Variants in DSP observed in about 807,000 individuals in gnomAD.
DSP encodes 250/210 kDa paraneoplastic pemphigus antigen.
A neutral mutation model predicts 290.6 loss-of-function variants in DSP; 114 were observed. The ratio of observed to expected loss-of-function variants is 0.39; its 90% CI spans 0.34 to 0.46. The LOEUF (loss-of-function observed/expected upper bound fraction) is 0.46, where lower values mean the gene tolerates loss of function less well. Among genes scored for constraint, DSP ranks in the 20% least tolerant of loss-of-function variants. The probability of loss-of-function intolerance (pLI) is 0.99; values close to 1 mark genes in which losing one functional copy is unlikely to be tolerated. For synonymous variants in DSP, 1,311 were observed against 1,316.4 expected (o/e 1.00, Z 0.09); for missense variants, 3,230 against 3,495.8 (o/e 0.92, Z 1.92).
chr6:7,558,153 G>T lies in DSP; in HGVS notation c.311G>T (p.Ser104Ile). Residue 104 changes from serine to isoleucine, a missense_variant, in exon 3 of 24, where the codon AGT (serine) becomes ATT (isoleucine). By Grantham distance (142) the Ser-to-Ile change is moderately radical (BLOSUM62 -2). Around this residue, in one of 5 missense-constraint regions of DSP, gnomAD observed 646 missense variants for 684.3 expected, o/e 0.94. Transcript: ENST00000379802. ...KYGDGIQLTR[S>I]RELDECFAQA... ...GGAGATGGAATACAACTGACTCGGA[G>T]TCGAGAATTGGATGAGTGTTTTGCC... 8 of 1,614,224 alleles carry T rather than the reference G, an allele frequency of 5.0e-6. No individual in the cohort carries two copies. Among genetic ancestry groups the T allele is most frequent in the Non-Finnish European group, 6.8e-6 (8 of 1,180,040 alleles).
chr6:7,557,615 G>C (rs1043453255), intron 2 of DSP, among the ~76,000 whole-genome samples: 1 of 152,196 alleles, frequency 6.6e-6, no homozygotes, highest in Admixed American at 6.5e-5. Context: ...AGGAGGCAGA[G>C]GTTGCAGTGA....
At chr6:7,568,375 A>G (rs529015164) in intron 10 of DSP, 62 bp from the exon 11 acceptor site, 1 of 1,586,606 alleles carries the variant, frequency 6.3e-7, no homozygotes, top group East Asian at 2.2e-5. Context: ...ATGCAGGTTG[A>G]AAATCTCCTC....
In DSP at chr6:7,571,754, C is replaced by A. The variant is rs531495053; in HGVS notation, c.1904-88C>A. 6.0e-5 allele frequency: 90 copies of A among 1,511,656 alleles called. 1 individual carries two copies. The South Asian group carries it at 9.2e-4, about 16-fold the overall frequency. 93.6% of individuals were successfully genotyped at this position (1,511,656 alleles called of 1,614,324 possible). ...CTGAAATTCAAAGGAAGAAGGTATACTTTTAGGTAGTATGGATGTTTTTTG... is the reference window on the plus strand; with the variant it reads ...CTGAAATTCAAAGGAAGAAGGTATAATTTTAGGTAGTATGGATGTTTTTTG... On this transcript the variant is annotated intron_variant, in intron 14 of 23. Transcript: ENST00000379802.
In DSP at chr6:7,577,794, C is replaced by T; in HGVS notation, c.2893C>T (p.Leu965=). ...TATGCTGCAGGATTATGAGCTCCAG[C>T]TGGCCTCATACACCTCAGGACTGGA... The part of the protein sequence containing the change: ...ANSIKDYELQ[L]ASYTSGLETL... The change falls in exon 21 of 24, where the codon CTG becomes TTG. Residue 965 remains leucine, a synonymous_variant. Transcript: ENST00000379802. The T allele has an allele frequency of 1.2e-6, 2 of 1,613,852 alleles. No individual in the cohort carries two copies. Among genetic ancestry groups the T allele is most frequent in the South Asian group, 2.2e-5 (2 of 91,084 alleles).
At position 7,584,211 on chromosome 6, in the gene DSP, AAG is replaced by A. The variant is rs1554108929; in HGVS notation, c.6954_6955del (p.Gly2319SerfsTer5). 1.2e-6 allele frequency: 2 copies of A among 1,614,200 alleles called. No individual in the cohort carries two copies. The highest frequency in any genetic ancestry group is 1.7e-5 in the Admixed American group (1 of 60,032). ...GAGGTTACCAGTGGAGGAAGCCTAC[AAG>A]AGAGGTCTGGTGGGCATTGAGTTCA... ...NLRLPVEEAY[K>X]RGLVGIEFKE... On this transcript the variant is annotated frameshift_variant, in exon 24 of 24. Transcript: ENST00000379802. LOFTEE classifies it high-confidence loss of function. The surrounding 1 kb of genome is among the most constrained non-coding windows in gnomAD (Gnocchi z 6.4).
rs1376063964 is a variant in DSP at position 7,555,762 on chromosome 6, A to G, written c.215A>G (p.Gln72Arg). 3 of 1,614,270 alleles carry G rather than the reference A, an allele frequency of 1.9e-6. No individual in the cohort carries two copies. The highest frequency in any genetic ancestry group is 1.1e-5 in the South Asian group (1 of 91,090). Residue 72 changes from glutamine (Q) to arginine (R), a missense_variant, in exon 2 of 24, where the codon CAG becomes CGG. Physicochemically the swap from Gln to Arg is conservative, Grantham distance 43. This residue lies in a region of DSP where 646 missense variants were observed against 684.3 expected (regional missense o/e 0.94). Transcript: ENST00000379802. The part of the protein sequence containing the change: ...MSRHQNQNTI[Q>R]ELLQNCSDCL... ...AGGCACCAGAACCAGAACACCATCC[A>G]GGAGCTGCTGCAGAACTGCTCCGAC...
Position 7,582,771 on chromosome 6 carries a change from A to G in DSP, c.5509A>G (p.Asn1837Asp), listed in dbSNP as rs1297636815. The change falls in exon 24 of 24, where the codon AAT becomes GAT. Residue 1837 changes from asparagine (N) to aspartate (D), a missense_variant. Asn to Asp is a conservative substitution (Grantham distance 23). Around this residue, in one of 5 missense-constraint regions of DSP, gnomAD observed 1,714 missense variants for 1,844.5 expected, o/e 0.93. Coordinates refer to ENST00000379802, the MANE Select transcript of DSP (RefSeq NM_004415.4). The surrounding 1 kb of genome is among the most constrained non-coding windows in gnomAD (Gnocchi z 4.2). ...GCTGCAGAGGCTGGAGGATGAGCTG[A>G]ATCGTGCAAAATCAACTCTAGAGGC... Reference protein sequence around the residue: ...ARLQRLEDELNRAKSTLEAET... With the variant: ...ARLQRLEDELDRAKSTLEAET... The G allele has an allele frequency of 6.2e-7, 1 of 1,613,998 alleles. No homozygotes were observed. Among genetic ancestry groups the G allele is most frequent in the Admixed American group, 1.7e-5 (1 of 60,010 alleles).
chr6:7,541,902 G>A lies in DSP; in HGVS notation c.-14G>A. 6.2e-7 allele frequency: 1 copy of A among 1,602,526 alleles called. No individual in the cohort carries two copies. The highest frequency in any genetic ancestry group is 8.5e-7 in the Non-Finnish European group (1 of 1,176,820). ...TGCCTCGGCGCTGAGCCGCTCTCCC[G>A]ATTGCCCGCCGACATGAGCTGCAAC... On this transcript the variant is annotated 5_prime_UTR_variant, in exon 1 of 24. Transcript: ENST00000379802.
Position 7,563,756 on chromosome 6 carries a change from C to T in DSP, c.747C>T (p.Tyr249=), listed in dbSNP as rs772921319. The change falls in exon 6 of 24, where the codon TAC becomes TAT. Residue 249 remains tyrosine (Y), a synonymous_variant. Transcript: ENST00000379802. ...KADLREKSAI[Y]QLEEEYENLL... ...TCTAGCGCGAGAAATCTGCGATCTA[C>T]CAGTTGGAGGAGGAGTATGAAAACC... The T allele has an allele frequency of 1.2e-6, 2 of 1,613,660 alleles. No homozygotes were observed. Among genetic ancestry groups the T allele is most frequent in the South Asian group, 2.2e-5 (2 of 91,070 alleles).
Position 7,567,761 on chromosome 6 carries a change from A to G in DSP, c.1141-20A>G. ...TCATTGAGTTGCTGTTCATTCACTG[A>G]TCACTCTCATCCTTCACAGTTTTTT... On this transcript the variant is annotated intron_variant, in intron 9 of 23. Coordinates refer to ENST00000379802, the MANE Select transcript of DSP (RefSeq NM_004415.4). 2 of 1,613,794 alleles carry G rather than the reference A, an allele frequency of 1.2e-6. No individual in the cohort carries two copies. The highest frequency in any genetic ancestry group is 2.2e-5 in the South Asian group (2 of 91,010).
rs747448946 is a variant in DSP at position 7,562,648 on chromosome 6, G to A, written c.598-4G>A. The A allele has an allele frequency of 3.2e-5, 51 of 1,613,886 alleles. No homozygotes were observed. Among genetic ancestry groups the A allele is most frequent in the African/African-American group, 1.1e-4 (8 of 74,886 alleles). The stretch of plus-strand genomic sequence containing the variant: ...GGGCGCCTCTCTTTGTCTTTGTGTC[G>A]CAGGCGGAGATGGACATGGTGGCCT... On this transcript the variant is annotated splice_polypyrimidine_tract_variant and splice_region_variant and intron_variant, in intron 4 of 23. Transcript: ENST00000379802.
At chr6:7,569,815 C>T (rs925166154) in intron 12 of DSP, among the ~76,000 whole-genome samples, 1 of 130,418 alleles carries the variant, frequency 7.7e-6, no homozygotes, top group Non-Finnish European at 1.6e-5. Context: ...GCCTGGGCAA[C>T]GAGAGCAAAA....
In DSP at chr6:7,565,372, A is replaced by G; in HGVS notation, c.791A>G (p.Glu264Gly). Residue 264 changes from glutamate to glycine, a missense_variant, in exon 7 of 24, where the codon GAG becomes GGG. By Grantham distance (98) the Glu-to-Gly change is moderately conservative. Coordinates refer to ENST00000379802, the MANE Select transcript of DSP (RefSeq NM_004415.4). The surrounding 1 kb of genome is among the most constrained non-coding windows in gnomAD (Gnocchi z 4.2). ...CCTCCTGTGCAGAAAGCGTCCTTTG[A>G]GAGGATGGATCACCTGCGACAGCTG... ...EYENLLKASF[E>G]RMDHLRQLQN... 3.7e-6 allele frequency: 6 copies of G among 1,614,012 alleles called. No homozygotes were observed. The highest frequency in any genetic ancestry group is 2.2e-5 in the South Asian group (2 of 91,078).
At chr6:7,569,054 G>C in intron 11 of DSP, 132 bp from the exon 12 acceptor site, 1 of 1,218,900 alleles carries the variant, frequency 8.2e-7, no homozygotes, top group Non-Finnish European at 1.2e-6. Flanking sequence ...ATGATGATCA[G>C]CTTCATTTGA....
chr6:7,585,575 C>T lies in DSP; in HGVS notation c.8313C>T (p.Ala2771=), dbSNP rs957236181. The change falls in exon 24 of 24, where the codon GCC becomes GCT. Residue 2771 remains alanine, a synonymous_variant. Coordinates refer to ENST00000379802, the MANE Select transcript of DSP (RefSeq NM_004415.4). ...GGCTGCAAGACACCAGCAGCTATGC[C>T]AAAATCCTGACCTGCCCCAAAACCA... ...AQRLQDTSSY[A]KILTCPKTKL... 1.2e-6 allele frequency: 2 copies of T among 1,614,022 alleles called. No homozygotes were observed. The highest frequency in any genetic ancestry group is 1.7e-6 in the Non-Finnish European group (2 of 1,180,042).
chr6:7,567,646 A>T, intron 9 of DSP, 135 bp from the exon 10 acceptor site: 1 of 1,402,044 alleles, frequency 7.1e-7, no homozygotes, highest in Non-Finnish European at 9.9e-7. Context: ...ATACCTAAAT[A>T]CTTTCTGCAC....
chr6:7,568,637 A>T, intron 11 of DSP, 48 bp downstream of exon 11: 1 of 1,607,344 alleles, frequency 6.2e-7, no homozygotes, highest in Non-Finnish European at 8.5e-7. Flanking sequence ...GTCTTTACAC[A>T]CAAATTTTTG....
intron 15 of DSP, among the ~76,000 whole-genome samples, chr6:7,572,975 C>G (rs757487595): frequency 5.3e-5 from 8 of 152,108 alleles, no homozygotes; most frequent in Non-Finnish European, 1.0e-4. Flanking sequence ...GTATTATAAT[C>G]TTACGGGGGC....
rs139799237 is a variant in DSP at position 7,576,437 on chromosome 6, G to T, written c.2774G>T (p.Arg925Leu). Residue 925 changes from arginine (R) to leucine (L), a missense_variant, in exon 19 of 24, where the codon CGG becomes CTG. By Grantham distance (102) the Arg-to-Leu change is moderately radical. Coordinates refer to ENST00000379802, the MANE Select transcript of DSP (RefSeq NM_004415.4). ...MKFGDSNTVM[R>L]FLNEQKNLHS... ...TTTGGAGATTCCAACACAGTCATGC[G>T]GTTTTTGAATGAGCAGAAGGTATAA... 4 of 1,613,928 alleles carry T rather than the reference G, an allele frequency of 2.5e-6. No homozygotes were observed. The highest frequency in any genetic ancestry group is 3.4e-6 in the Non-Finnish European group (4 of 1,179,998).
Sources: allele counts gnomAD v4.1 joint callset (sites outside exome capture counted in the v4.1 genomes callset), GRCh38; gene constraint gnomAD v4.1.1; regional missense constraint gnomAD v4.1.1; non-coding constraint Gnocchi (gnomAD v3.1); transcripts MANE v1.5; gene names NCBI Gene and HGNC (gene_info 2026-07-23, HGNC 2026-07-21).